The following PAMR1 variants were observed in gnomAD, a reference collection of about 807,000 sequenced individuals.
The protein encoded by PAMR1 is inactive serine protease PAMR1.
Under a neutral mutation model 81.8 loss-of-function variants are expected in PAMR1, and 88 were observed. That is an observed-to-expected ratio of 1.08 (90% CI 0.91 to 1.28). The LOEUF (loss-of-function observed/expected upper bound fraction) is 1.28, where lower values mean the gene tolerates loss of function less well. Ranked by LOEUF, PAMR1 falls within the 50% of genes most tolerant of loss-of-function variation. PAMR1 has a pLI of 0.00. For synonymous variants in PAMR1, 336 were observed against 345.3 expected (o/e 0.97, Z 0.30); for missense variants, 935 against 919.7 (o/e 1.02, Z -0.21).
In PAMR1 at chr11:35,525,543, G is replaced by C. The variant is rs1478438992; in HGVS notation, c.43C>G (p.Gln15Glu). The C allele has an allele frequency of 6.2e-7, 1 of 1,614,054 alleles. No homozygotes were observed. Among genetic ancestry groups the C allele is most frequent in the Non-Finnish European group, 8.5e-7 (1 of 1,179,956 alleles). Residue 15 changes from glutamine to glutamate, a missense_variant, in exon 1 of 11, where the codon CAG becomes GAG. Physicochemically the swap from Gln to Glu is conservative, Grantham distance 29 (BLOSUM62 2). Coordinates refer to ENST00000619888, the MANE Select transcript of PAMR1 (RefSeq NM_001001991.3). Reference protein sequence around the residue: ...CWTQLGLTFLQLLLISSLPRE... With the variant: ...CWTQLGLTFLELLLISSLPRE... The stretch of plus-strand genomic sequence containing the variant: ...GGCAAGGACGAGATGAGAAGGAGCT[G>C]AAGAAAAGTGAGCCCCAACTGCGTC...
At chr11:35,459,497 A>G (rs1856605011) in intron 6 of PAMR1, among the ~76,000 whole-genome samples, 1 of 152,188 alleles carries the variant, frequency 6.6e-6, no homozygotes, top group Non-Finnish European at 1.5e-5. Flanking sequence ...TGATAACTCT[A>G]AACTACTGGG....
intron 6 of PAMR1, among the ~76,000 whole-genome samples, chr11:35,453,806 C>T (rs1237149801): frequency 6.6e-6 from 1 of 152,028 alleles, no homozygotes; most frequent in Non-Finnish European, 1.5e-5. Context: ...AAAATATTTG[C>T]ATTTCTGGCC....
intron 1 of PAMR1, among the ~76,000 whole-genome samples, chr11:35,517,191 C>T (rs1028809647): frequency 9.9e-5 from 15 of 152,182 alleles, no homozygotes; most frequent in Non-Finnish European, 1.8e-4. Flanking sequence ...CACATTACTA[C>T]AAGCACCTGG....
At chr11:35,519,847 C>A (rs1243546979) in intron 1 of PAMR1, among the ~76,000 whole-genome samples, 1 of 152,206 alleles carries the variant, frequency 6.6e-6, no homozygotes, top group African/African-American at 2.4e-5. Context: ...GTTGGACCTA[C>A]TGCTTACTGT....
intron 1 of PAMR1, among the ~76,000 whole-genome samples, chr11:35,519,329 G>T (rs1390531736): frequency 4.6e-5 from 7 of 152,116 alleles, no homozygotes; most frequent in African/African-American, 7.2e-5. Context: ...GGGGAAAAAT[G>T]CTCCCGCTTA....
intron 4 of PAMR1, 100 bp downstream of exon 4, chr11:35,474,530 T>C (rs1850250079): frequency 4.5e-6 from 3 of 659,654 alleles, no homozygotes; most frequent in Middle Eastern, 5.1e-4. Context: ...AAGGCTCCAA[T>C]ATACAAAGGC....
chr11:35,432,306 C>G lies in PAMR1; in HGVS notation c.*50G>C, dbSNP rs769274627. On this transcript the variant is annotated 3_prime_UTR_variant, in exon 11 of 11. Coordinates refer to ENST00000619888, the MANE Select transcript of PAMR1 (RefSeq NM_001001991.3). ...CCACACTGCTTCACGCAATGACACA[C>G]GTACAGACGGATATACAGAAACACT... 4 of 1,518,656 alleles carry G rather than the reference C, an allele frequency of 2.6e-6. No individual in the cohort carries two copies. The highest frequency in any genetic ancestry group is 3.6e-6 in the Non-Finnish European group (4 of 1,116,226). The allele number at this position is 1,518,656 out of a possible 1,614,324, so 94.1% of individuals were successfully genotyped here.
chr11:35,471,517 C>A (rs574685006), intron 4 of PAMR1, among the ~76,000 whole-genome samples: 43 of 151,782 alleles, frequency 2.8e-4, no homozygotes, highest in South Asian at 1.0e-3. Context: ...ACAACAACAA[C>A]AAAAAAAACC....
chr11:35,501,304 T>G (rs1349644594), intron 1 of PAMR1, among the ~76,000 whole-genome samples: 1 of 151,812 alleles, frequency 6.6e-6, no homozygotes, highest in African/African-American at 2.4e-5. Flanking sequence ...CTAATTTTTG[T>G]ATTATTTTTG....
intron 3 of PAMR1, among the ~76,000 whole-genome samples, chr11:35,488,930 C>CAAA: frequency 6.6e-6 from 1 of 152,194 alleles, no homozygotes. Context: ...CCATCAAACA[C>CAAA]AAAAACCTCT....
chr11:35,435,409 TG>T (rs929024297), intron 9 of PAMR1, among the ~76,000 whole-genome samples: 1 of 152,184 alleles, frequency 6.6e-6, no homozygotes, highest in Non-Finnish European at 1.5e-5. Flanking sequence ...GGTTTCACCA[TG>T]TTGGCCAGGC....
At position 35,435,974 on chromosome 11, in the gene PAMR1, C is replaced by A. The variant is rs777948907; in HGVS notation, c.1262G>T (p.Arg421Leu). ...ACATGTCCTCCTGCTGCTGCCCAGG[C>A]GGCGGTAGAAGGGTGAGATGCACTC... ...QYECISPFYR[R>L]LGSSRRTCLR... Residue 421 changes from arginine (R) to leucine (L), a missense_variant, in exon 9 of 11, where the codon CGC becomes CTC. Physicochemically the swap from Arg to Leu is moderately radical, Grantham distance 102. Coordinates refer to ENST00000619888, the MANE Select transcript of PAMR1 (RefSeq NM_001001991.3). 1 of 1,614,194 alleles carries A rather than the reference C, an allele frequency of 6.2e-7. No homozygotes were observed. The highest frequency in any genetic ancestry group is 1.1e-5 in the South Asian group (1 of 91,078).
At chr11:35,487,811 C>T (rs551310985) in intron 3 of PAMR1, among the ~76,000 whole-genome samples, 3 of 152,306 alleles carry the variant, frequency 2.0e-5, no homozygotes, top group Admixed American at 1.3e-4. Context: ...CCAAAGTGTA[C>T]GGCCTCAGGC....
chr11:35,517,818 C>G (rs650479), intron 1 of PAMR1, among the ~76,000 whole-genome samples: 65,534 of 152,070 alleles, frequency 0.43, 15,668 homozygotes, highest in East Asian at 0.69. Flanking sequence ...ATTGCCAACA[C>G]CTATAACCAT....
At chr11:35,469,064 G>A (rs1223427876) in intron 5 of PAMR1, among the ~76,000 whole-genome samples, 1 of 152,176 alleles carries the variant, frequency 6.6e-6, no homozygotes, top group Non-Finnish European at 1.5e-5. Flanking sequence ...AGAAAGAAGA[G>A]GCAATGCTAC....
chr11:35,489,701 C>A (rs910772063), intron 3 of PAMR1, among the ~76,000 whole-genome samples: 1 of 152,222 alleles, frequency 6.6e-6, no homozygotes, highest in Admixed American at 6.5e-5. Flanking sequence ...CATTTTCACA[C>A]CCTGACCATA....
chr11:35,494,443 C>T (rs1259503387), intron 1 of PAMR1, among the ~76,000 whole-genome samples, 171 bp from the exon 2 acceptor site: 2 of 152,220 alleles, frequency 1.3e-5, no homozygotes, highest in African/African-American at 4.8e-5. Flanking sequence ...ACGCCATTCT[C>T]CTGCCGCAGC....
chr11:35,505,687 T>A (rs1850935908), intron 1 of PAMR1, among the ~76,000 whole-genome samples: 1 of 152,222 alleles, frequency 6.6e-6, no homozygotes, highest in Non-Finnish European at 1.5e-5. Flanking sequence ...TGCTCTTTTT[T>A]GGTTTCTACT....
chr11:35,495,983 T>A (rs943425169), intron 1 of PAMR1, among the ~76,000 whole-genome samples: 5 of 152,376 alleles, frequency 3.3e-5, no homozygotes, highest in Non-Finnish European at 2.9e-5. Flanking sequence ...TGGGAATGAA[T>A]GGCTACATCA....
Sources: gnomAD v4.1 joint callset for allele counts (sites outside exome capture counted in the v4.1 genomes callset) on GRCh38, gnomAD v4.1.1 for gene constraint, MANE v1.5 for transcripts, NCBI Gene and HGNC (gene_info 2026-07-23, HGNC 2026-07-21) for gene names.